The following STAB1 variants were observed in gnomAD, a reference collection of about 807,000 sequenced individuals.
STAB1 encodes the protein stabilin 1.
Under a neutral mutation model 332.4 loss-of-function variants are expected in STAB1, and 250 were observed. The observed-to-expected ratio is 0.75, with a 90% confidence interval of 0.68 to 0.84. The LOEUF is 0.84. Ranked by LOEUF, STAB1 falls within the 40% of genes least tolerant of loss-of-function variation. The pLI is 0.00. For synonymous variants in STAB1, 1,475 were observed against 1,390.4 expected, an observed-to-expected ratio of 1.06 and a Z score of -1.35; for missense variants, 3,249 against 3,489.7, an observed-to-expected ratio of 0.93 and a Z score of 1.74.
rs1359961534 is a variant in STAB1, at chr3:52,505,992, G to A, written c.1749+56G>A. 1.9e-6 allele frequency: 3 copies of A among 1,604,468 alleles called. No individual in the cohort carries two copies. The African/African-American group carries it at 4.0e-5, about 21-fold the overall frequency. ...CTTGTACCCGGTGGGCCTGCCTGCA[G>A]GTTCTGGACTTCCCCAAGGCCCCAT... is the stretch of plus-strand genomic sequence containing the variant. On this transcript the variant is annotated intron_variant, in intron 16 of 68. Transcript: ENST00000321725.
chr3:52,499,347 C>G (rs1173607982), intron 1 of STAB1, among the ~76,000 whole-genome samples: 1 of 152,252 alleles, frequency 6.6e-6, no homozygotes, highest in East Asian at 1.9e-4. Flanking sequence ...AATGGGACTC[C>G]AGGCCTGGGG....
intron 17 of STAB1, 39 bp downstream of exon 17, chr3:52,506,289 C>A (rs556821257): frequency 1.9e-6 from 3 of 1,557,192 alleles, no homozygotes; most frequent in East Asian, 2.3e-5. Flanking sequence ...GTGGGGCTGG[C>A]GGTGACCAGC....
chr3:52,503,477 C>T lies in STAB1; in HGVS notation c.828C>T (p.Cys276=). ...DGMVCLPKDP[C]TDNLGGCPSN... ...TGGTGTGTCTGCCCAAGGACCCATG[C>T]ACTGACAACCTTGGTGGCTGCCCCA... is the stretch of plus-strand genomic sequence containing the variant. Residue 276 remains cysteine (C), a synonymous_variant, in exon 8 of 69, where the codon TGC becomes TGT. Transcript: ENST00000321725. 6.2e-7 allele frequency: 1 copy of T among 1,613,820 alleles called. No homozygotes were observed. The highest frequency in any genetic ancestry group is 8.5e-7 in the Non-Finnish European group (1 of 1,180,030).
At position 52,518,882 on chromosome 3, in the gene STAB1, C is replaced by T. The variant is rs1356131785; in HGVS notation, c.5034+13C>T. On this transcript the variant is annotated intron_variant, in intron 48 of 68. Transcript: ENST00000321725. ...CAGCGAGAGGGAGGTGAGCCCTGGC[C>T]CTGGCCTGCCCCGCTCCATCCCGCC... 6.6e-7 allele frequency: 1 copy of T among 1,523,304 alleles called. No homozygotes were observed. The highest frequency in any genetic ancestry group is 8.8e-7 in the Non-Finnish European group (1 of 1,133,072). The allele number at this position is 1,523,304 out of a possible 1,614,324, so 94.4% of individuals were successfully genotyped here. A position where few individuals can be genotyped will look rare whatever the true frequency, so the allele number is the denominator to read the frequency against.
chr3:52,505,280 C>G (rs757019505), intron 13 of STAB1, 39 bp from the exon 14 acceptor site: 1 of 1,611,632 alleles, frequency 6.2e-7, no homozygotes, highest in Non-Finnish European at 8.5e-7. Context: ...AGCAGCCTCA[C>G]CCCTTCCCTG....
intron 18 of STAB1, 125 bp from the exon 19 acceptor site, chr3:52,507,488 T>G: frequency 9.8e-7 from 1 of 1,020,434 alleles, no homozygotes. Flanking sequence ...GGAATGCCAG[T>G]GCTGGGCTTC....
At chr3:52,498,200 T>C (rs1417651163) in intron 1 of STAB1, among the ~76,000 whole-genome samples, 1 of 152,212 alleles carries the variant, frequency 6.6e-6, no homozygotes, top group Non-Finnish European at 1.5e-5. Context: ...ACTTCGTGTC[T>C]CCTCAACTTC....
chr3:52,509,573 A>G, intron 22 of STAB1: 2 of 591,214 alleles, frequency 3.4e-6, no homozygotes, highest in South Asian at 4.1e-5. Flanking sequence ...TGCTTCACCC[A>G]GGCCAGGAAG....
chr3:52,511,340 C>G (rs1279980121), intron 25 of STAB1, among the ~76,000 whole-genome samples: 1 of 152,170 alleles, frequency 6.6e-6, no homozygotes, highest in Non-Finnish European at 1.5e-5. Context: ...TACCTACACA[C>G]TTGCCACAAG....
Position 52,516,233 on chromosome 3 carries a change from C to T in STAB1, c.4139C>T (p.Thr1380Ile). The T allele has an allele frequency of 1.2e-6, 2 of 1,603,608 alleles. No homozygotes were observed. The highest frequency in any genetic ancestry group is 1.7e-6 in the Non-Finnish European group (2 of 1,172,544). ...CELGRYGPNC[T>I]GVCDCAHGLC... ...CTGGGCCGCTACGGGCCCAACTGCA[C>T]CGGAGGTGAGGACTGGGGAGGGGCG... Residue 1380 changes from threonine (T) to isoleucine (I), a missense_variant, in exon 38 of 69, where the codon ACC becomes ATC. Physicochemically the swap from Thr to Ile is moderately conservative, Grantham distance 89. Transcript: ENST00000321725.
Position 52,524,418 on chromosome 3 carries a change from G to A in STAB1, c.*62G>A, listed in dbSNP as rs985181733. On this transcript the variant is annotated 3_prime_UTR_variant, in exon 69 of 69. Transcript: ENST00000321725. ...GGAGACCACTTTTATTGCTTGTCTGGGTGGATGGGGCAGGAGGGGCTGAGG... is the reference window on the plus strand; with the variant it reads ...GGAGACCACTTTTATTGCTTGTCTGAGTGGATGGGGCAGGAGGGGCTGAGG... The A allele has an allele frequency of 6.2e-7, 1 of 1,612,134 alleles. No individual in the cohort carries two copies. The highest frequency in any genetic ancestry group is 8.5e-7 in the Non-Finnish European group (1 of 1,179,132).
intron 30 of STAB1, 97 bp from the exon 31 acceptor site, chr3:52,513,620 G>T: frequency 7.8e-7 from 1 of 1,278,218 alleles, no homozygotes; most frequent in Non-Finnish European, 1.1e-6. Flanking sequence ...ACCACCTGTG[G>T]GTGCCTGTGT....
At position 52,520,139 on chromosome 3, in the gene STAB1, C is replaced by G. The variant is rs748502092; in HGVS notation, c.5412+19C>G. On this transcript the variant is annotated intron_variant, in intron 51 of 68. Coordinates refer to ENST00000321725, the MANE Select transcript of STAB1 (RefSeq NM_015136.3). ...TGTCGAGGTGGGTGCAGCCCCCAAC[C>G]TTGGTCTTCACTGCCTGCAGCTCAG... 6.2e-7 allele frequency: 1 copy of G among 1,612,470 alleles called. No homozygotes were observed. Among genetic ancestry groups the G allele is most frequent in the Non-Finnish European group, 8.5e-7 (1 of 1,179,438 alleles).
chr3:52,503,725 T>G (rs2153233037), intron 8 of STAB1, 47 bp from the exon 9 acceptor site: 1 of 1,610,214 alleles, frequency 6.2e-7, no homozygotes, highest in South Asian at 1.1e-5. Context: ...CACCAGTGGT[T>G]CTTGGGGTTG....
At position 52,519,417 on chromosome 3, in the gene STAB1, C is replaced by G. The variant is rs375611466; in HGVS notation, c.5175+13C>G. The G allele has an allele frequency of 2.4e-4, 383 of 1,612,776 alleles. 1 individual carries two copies. Among genetic ancestry groups the G allele is most frequent in the South Asian group, 6.7e-4 (61 of 91,066 alleles). On this transcript the variant is annotated intron_variant, in intron 49 of 68. Coordinates refer to ENST00000321725, the MANE Select transcript of STAB1 (RefSeq NM_015136.3). ...TCCCATCCCGAGGGTATGACAAGCACGGGCCTGGGAGCTGGAAGACAGGCA... is the reference window on the plus strand; with the variant it reads ...TCCCATCCCGAGGGTATGACAAGCAGGGGCCTGGGAGCTGGAAGACAGGCA...
At chr3:52,505,447 C>T in intron 14 of STAB1, 66 bp downstream of exon 14, 2 of 1,513,234 alleles carry the variant, frequency 1.3e-6, no homozygotes, top group African/African-American at 1.4e-5. Context: ...ACTCATTATC[C>T]CAGATTCTGC....
Position 52,508,024 on chromosome 3 carries a change from A to G in STAB1, c.2146A>G (p.Met716Val). Residue 716 changes from methionine to valine, a missense_variant and splice_region_variant, in exon 20 of 69, where the codon ATG (methionine) becomes GTG (valine). Transcript: ENST00000321725. ...GCASYCNQTI[M>V]EQGCCKGFFG... ...TGCCAGCTACTGCAACCAAACCATC[A>G]TGGTAAGCGTGGGCATGGGTGCCCA... 2 of 1,613,146 alleles carry G rather than the reference A, an allele frequency of 1.2e-6. No individual in the cohort carries two copies. The highest frequency in any genetic ancestry group is 1.7e-6 in the Non-Finnish European group (2 of 1,179,792).
rs566837633 is a variant in STAB1 at position 52,522,152 on chromosome 3, C to G, written c.6387C>G (p.Ser2129Arg). The G allele has an allele frequency of 1.8e-4, 287 of 1,612,846 alleles. No individual in the cohort carries two copies. In the Admixed American group the frequency reaches 4.7e-3, roughly 27 times the overall value. ...CCGACTACGAGGGTGATGGCTGGAGCTGCCGGGCCCGCAACCCCTGCACAG... is the reference window on the plus strand; with the variant it reads ...CCGACTACGAGGGTGATGGCTGGAGGTGCCGGGCCCGCAACCCCTGCACAG... Reference protein sequence around the residue: ...CLPDYEGDGWSCRARNPCTDG... With the variant: ...CLPDYEGDGWRCRARNPCTDG... The change falls in exon 59 of 69, where the codon AGC becomes AGG. Residue 2129 changes from serine (S) to arginine (R), a missense_variant. Physicochemically the swap from Ser to Arg is moderately radical, Grantham distance 110 (BLOSUM62 -1). Transcript: ENST00000321725.
rs778997897 is a variant in STAB1, at chr3:52,518,863, G to A, written c.5028G>A (p.Glu1676=). The A allele has an allele frequency of 2.5e-6, 4 of 1,583,738 alleles. No individual in the cohort carries two copies. Among genetic ancestry groups the A allele is most frequent in the East Asian group, 4.6e-5 (2 of 43,616 alleles). ...CAGGGCACCCACTGCGCTTCAGCGA[G>A]AGGGAGGTGAGCCCTGGCCCTGGCC... ...ALSGHPLRFS[E]REGSIYLNDF... Residue 1676 remains glutamate (E), a synonymous_variant, in exon 48 of 69, where the codon GAG becomes GAA. Coordinates refer to ENST00000321725, the MANE Select transcript of STAB1 (RefSeq NM_015136.3).
Sources: gnomAD v4.1 joint callset for allele counts (sites outside exome capture counted in the v4.1 genomes callset) on GRCh38, gnomAD v4.1.1 for gene constraint, MANE v1.5 for transcripts, NCBI Gene and HGNC (gene_info 2026-07-23, HGNC 2026-07-21) for gene names.